The following ATR variants were observed in gnomAD, a reference collection of about 807,000 sequenced individuals.
ATR encodes serine/threonine-protein kinase ATR.
ATR carries 142 observed loss-of-function variants against 305.3 expected under a neutral mutation model. The observed-to-expected ratio is 0.47, with a 90% CI of 0.41 to 0.53. The LOEUF is 0.53. ATR is among the 20% of genes least tolerant of loss of function. The pLI is 0.00. For missense variants in ATR, 2,135 were observed against 3,133.1 expected (o/e 0.68, Z 7.60); for synonymous variants, 1,050 against 1,068.1 (o/e 0.98, Z 0.33).
chr3:142,559,360 T>A lies in ATR; in HGVS notation c.1623A>T (p.Thr541=), dbSNP rs376322544. 14 of 1,613,822 alleles carry A rather than the reference T, an allele frequency of 8.7e-6. No homozygotes were observed. In the African/African-American group the frequency reaches 1.9e-4, roughly 22 times the overall value. The change falls in exon 7 of 47, where the codon ACA becomes ACT. Residue 541 remains threonine, a synonymous_variant. Coordinates refer to ENST00000350721, the MANE Select transcript of ATR (RefSeq NM_001184.4). ...VITWMSLDFY[T]KVLKSCRSLL... ...AACTTCTACAGCTCTTAAGCACTTT[T>A]GTGTAAAAATCCAATGACATCCAAG...
intron 24 of ATR, among the ~76,000 whole-genome samples, chr3:142,517,435 T>C (rs2032916636): frequency 6.6e-6 from 1 of 151,996 alleles, no homozygotes; most frequent in African/African-American, 2.4e-5. Context: ...CATATTTCCC[T>C]AGGTCCTCTG....
chr3:142,469,516 C>A lies in ATR; in HGVS notation c.6373G>T (p.Val2125Phe), dbSNP rs1341655239. The change falls in exon 38 of 47, where the codon GTT becomes TTT. Residue 2125 changes from valine (V) to phenylalanine (F), a missense_variant. By Grantham distance (50) the Val-to-Phe change is conservative. Transcript: ENST00000350721. ...AAATAGTTTGTATGCTCTGTGATAA[C>A]CTTGTTTATTTTACCCAAATCATTC... The part of the protein sequence containing the change: ...MRNDLGKINK[V>F]ITEHTNYLAP... The A allele has an allele frequency of 1.4e-5, 22 of 1,613,866 alleles. No individual in the cohort carries two copies. Among genetic ancestry groups the A allele is most frequent in the Non-Finnish European group, 1.9e-5 (22 of 1,179,896 alleles).
chr3:142,455,630 C>T (rs1046921635), intron 45 of ATR, among the ~76,000 whole-genome samples: 4 of 152,114 alleles, frequency 2.6e-5, no homozygotes, highest in East Asian at 1.9e-4. Flanking sequence ...GATAATTAAA[C>T]GAGGGGCAAA....
Position 142,538,462 on chromosome 3 carries a change from A to G in ATR, c.3725+20T>C, listed in dbSNP as rs1285154682. The G allele has an allele frequency of 6.2e-7, 1 of 1,603,396 alleles. No individual in the cohort carries two copies. Among genetic ancestry groups the G allele is most frequent in the African/African-American group, 1.3e-5 (1 of 74,750 alleles). On this transcript the variant is annotated intron_variant, in intron 19 of 46. Coordinates refer to ENST00000350721, the MANE Select transcript of ATR (RefSeq NM_001184.4). Reference sequence around the variant, plus strand: ...CAGTTTAAAAAGTTATTATTTTACTATTAATTTCAGTTACAATACCTGTTT... The same window carrying G: ...CAGTTTAAAAAGTTATTATTTTACTGTTAATTTCAGTTACAATACCTGTTT...
chr3:142,529,827 GA>G (rs1227330035), intron 21 of ATR, among the ~76,000 whole-genome samples: 2 of 150,966 alleles, frequency 1.3e-5, no homozygotes, highest in South Asian at 2.1e-4. Context: ...GTAATTTTTT[GA>G]AAAAAAATTT....
rs138742278 is a variant in ATR, at chr3:142,495,785, T to C, written c.5898+576A>G. ...TAAATAAATAAAAATAAAAAATAAA[T>C]CTGGGTCATAAACCTTGCAAGTAGT... On this transcript the variant is annotated intron_variant, in intron 34 of 46. Coordinates refer to ENST00000350721, the MANE Select transcript of ATR (RefSeq NM_001184.4). Among the ~76,000 whole-genome samples, 56 of 151,968 alleles carry C rather than the reference T, an allele frequency of 3.7e-4. 1 individual carries two copies. Among genetic ancestry groups the C allele is most frequent in the African/African-American group, 1.1e-3 (47 of 41,474 alleles).
intron 1 of ATR, among the ~76,000 whole-genome samples, chr3:142,574,458 C>CAAAAAAAAAA (rs59441794): frequency 5.2e-5 from 6 of 114,636 alleles, no homozygotes; most frequent in Admixed American, 9.3e-5. Flanking sequence ...GAGCCAGTCT[C>CAAAAAAAAAA]AAAAAAAAAA....
chr3:142,513,570 C>T lies in ATR; in HGVS notation c.4572G>A (p.Val1524=), dbSNP rs1472787906. The T allele has an allele frequency of 2.5e-6, 4 of 1,613,138 alleles. No homozygotes were observed. The Admixed American group carries it at 6.7e-5, about 27-fold the overall frequency. The change falls in exon 26 of 47, where the codon GTG becomes GTA. Residue 1524 remains valine (V), a synonymous_variant. Coordinates refer to ENST00000350721, the MANE Select transcript of ATR (RefSeq NM_001184.4). ...CSIMMKHDFK[V]TIYLLPHILV... is the part of the protein sequence containing the mutation. ...GAATATGTGGAAGAAGATAGATGGT[C>T]ACTTTGAAATCATGCTTCATCATAA...
At chr3:142,510,756 C>G (rs1361869969) in intron 27 of ATR, among the ~76,000 whole-genome samples, 1 of 150,974 alleles carries the variant, frequency 6.6e-6, no homozygotes, top group Non-Finnish European at 1.5e-5. Context: ...TCTGTGAGAA[C>G]AGCTAAGGTA....
chr3:142,560,123 CAATAGAA>C (rs2034823185), intron 6 of ATR, 133 bp downstream of exon 6: 2 of 807,160 alleles, frequency 2.5e-6, no homozygotes, highest in Non-Finnish European at 4.2e-6. Flanking sequence ...GCATTTGACT[CAATAGAA>C]AATAAATTTA....
At position 142,468,019 on chromosome 3, in the gene ATR, G is replaced by C. The variant is rs2108276127; in HGVS notation, c.6602C>G (p.Ala2201Gly). 1 of 1,612,848 alleles carries C rather than the reference G, an allele frequency of 6.2e-7. No individual in the cohort carries two copies. The highest frequency in any genetic ancestry group is 8.5e-7 in the Non-Finnish European group (1 of 1,179,406). The change falls in exon 39 of 47, where the codon GCT (alanine) becomes GGT (glycine). Residue 2201 changes from alanine to glycine, a missense_variant. Transcript: ENST00000350721. ...VNRCKEILNK[A>G]IHMKKSLEKF... The stretch of plus-strand genomic sequence containing the variant: ...CTCTAAGGATTTTTTCATATGAATA[G>C]CTTTATTGAGGATTTCCTTGCATCT...
Position 142,485,865 on chromosome 3 carries a change from T to A in ATR, c.6079-583A>T, listed in dbSNP as rs572545232. Reference sequence around the variant, plus strand: ...CCTCACATTGATTCCTAAAACTATGTCTTTTCAGCTTCAGTCTTCACCACT... The same window carrying A: ...CCTCACATTGATTCCTAAAACTATGACTTTTCAGCTTCAGTCTTCACCACT... On this transcript the variant is annotated intron_variant, in intron 35 of 46. Coordinates refer to ENST00000350721, the MANE Select transcript of ATR (RefSeq NM_001184.4). Among the ~76,000 whole-genome samples, 5 of 152,346 alleles carry A rather than the reference T, an allele frequency of 3.3e-5. No individual in the cohort carries two copies. In the South Asian group the frequency reaches 8.3e-4, roughly 25 times the overall value.
intron 2 of ATR, 117 bp from the exon 3 acceptor site, chr3:142,566,378 G>A: frequency 2.6e-6 from 3 of 1,148,224 alleles, no homozygotes; most frequent in Non-Finnish European, 2.5e-6. Context: ...CTGTACTTTG[G>A]GAGGCTGAAG....
rs765468988 is a variant in ATR, at chr3:142,507,923, C to T, written c.5031+8G>A. 5 of 1,581,482 alleles carry T rather than the reference C, an allele frequency of 3.2e-6. No individual in the cohort carries two copies. Among genetic ancestry groups the T allele is most frequent in the Non-Finnish European group, 4.3e-6 (5 of 1,150,622 alleles). The stretch of plus-strand genomic sequence containing the variant: ...TTCATTATTAAATTCACTATATTAA[C>T]TTCAGACCTGTAAAAATCCAAGATG... On this transcript the variant is annotated splice_region_variant and intron_variant, in intron 28 of 46. Transcript: ENST00000350721.
chr3:142,563,133 T>C, intron 3 of ATR, 24 bp from the exon 4 acceptor site: 1 of 1,588,326 alleles, frequency 6.3e-7, no homozygotes, highest in Non-Finnish European at 8.6e-7. Flanking sequence ...AAAAAAGATA[T>C]TAAATAAACA....
At chr3:142,488,506 T>G (rs1213038363) in intron 35 of ATR, among the ~76,000 whole-genome samples, 1 of 152,164 alleles carries the variant, frequency 6.6e-6, no homozygotes, top group Non-Finnish European at 1.5e-5. Context: ...CTATATGGAA[T>G]CCTTAATTCT....
chr3:142,494,145 A>C (rs1305454918), intron 34 of ATR, among the ~76,000 whole-genome samples: 3 of 152,194 alleles, frequency 2.0e-5, no homozygotes, highest in Non-Finnish European at 4.4e-5. Context: ...AAGCATTTGC[A>C]CTGTATTAGG....
Position 142,459,114 on chromosome 3 carries a change from A to G in ATR, c.7350-3T>C, listed in dbSNP as rs751010998. On this transcript the variant is annotated splice_region_variant and splice_polypyrimidine_tract_variant and intron_variant, in intron 43 of 46. Transcript: ENST00000350721. ...AGTAAGCTGATCTACTACTGTACCTAAAAGAAACACAATGCCTATGAAATA... is the reference window on the plus strand; with the variant it reads ...AGTAAGCTGATCTACTACTGTACCTGAAAGAAACACAATGCCTATGAAATA... The G allele has an allele frequency of 5.7e-5, 92 of 1,613,832 alleles. No homozygotes were observed. Among genetic ancestry groups the G allele is most frequent in the Non-Finnish European group, 7.0e-5 (83 of 1,179,874 alleles).
intron 1 of ATR, among the ~76,000 whole-genome samples, chr3:142,576,082 A>T (rs1398194082): frequency 2.0e-4 from 30 of 152,244 alleles, no homozygotes; most frequent in Admixed American, 2.0e-3. Context: ...GTAATAGTTC[A>T]GGTAAGAAAT....
Sources: allele counts gnomAD v4.1 joint callset (sites outside exome capture counted in the v4.1 genomes callset), GRCh38; gene constraint gnomAD v4.1.1; transcripts MANE v1.5; gene names NCBI Gene and HGNC (gene_info 2026-07-23, HGNC 2026-07-21).